CSAD: variants seen among roughly 807,000 people sequenced by gnomAD.
CSAD encodes the protein P-selectin cytoplasmic tail-associated protein.
CSAD carries 47 observed loss-of-function variants against 61.5 expected under a neutral mutation model. The ratio of observed to expected loss-of-function variants is 0.76; its 90% CI spans 0.60 to 0.97. CSAD has a LOEUF of 0.97. Ranked by LOEUF, CSAD falls within the 50% of genes least tolerant of loss-of-function variation. The pLI is 0.00. For missense variants in CSAD, 611 were observed against 643.6 expected (o/e 0.95, Z 0.55); for synonymous variants, 245 against 252.7 (o/e 0.97, Z 0.29).
chr12:53,176,766 T>C (rs144682234), intron 2 of CSAD, among the ~76,000 whole-genome samples: 6 of 152,266 alleles, frequency 3.9e-5, no homozygotes, highest in African/African-American at 7.2e-5. Flanking sequence ...TAAGTTTTGC[T>C]GTATCACCCA....
At chr12:53,174,857 G>A (rs1442459944) in intron 2 of CSAD, among the ~76,000 whole-genome samples, 1 of 152,066 alleles carries the variant, frequency 6.6e-6, no homozygotes, top group East Asian at 1.9e-4. Flanking sequence ...AAATCATCAG[G>A]CTCAAGGAAT....
At position 53,171,012 on chromosome 12, in the gene CSAD, T is replaced by C. The variant is rs186933167; in HGVS notation, c.567+314A>G. 333 of 514,966 alleles carry C rather than the reference T, an allele frequency of 6.5e-4. 2 individuals are homozygous for C. In the East Asian group the frequency reaches 9.3e-3, roughly 14 times the overall value. 31.9% of individuals were successfully genotyped at this position (514,966 alleles called of 1,614,324 possible). A position where few individuals can be genotyped will look rare whatever the true frequency, so the allele number is the denominator to read the frequency against. On this transcript the variant is annotated intron_variant, in intron 8 of 16. Coordinates refer to ENST00000444623, the MANE Select transcript of CSAD (RefSeq NM_001244705.2). Reference sequence around the variant, plus strand: ...CTGGGATTACAGGCGTGAGTCACCGTGCCCGGCCAGATTCTGCATTTCTAA... The same window carrying C: ...CTGGGATTACAGGCGTGAGTCACCGCGCCCGGCCAGATTCTGCATTTCTAA...
At chr12:53,178,666 C>T (rs1293785035) in intron 2 of CSAD, among the ~76,000 whole-genome samples, 2 of 151,804 alleles carry the variant, frequency 1.3e-5, no homozygotes, top group African/African-American at 2.4e-5. Flanking sequence ...TGGCAGCAGG[C>T]GCCAGCTACT....
At chr12:53,161,450 G>C (rs142640481) in intron 10 of CSAD, 61 bp from the exon 11 acceptor site, 62 of 1,384,390 alleles carry the variant, frequency 4.5e-5, no homozygotes, top group Non-Finnish European at 5.2e-5. Flanking sequence ...CTCAGAGCCT[G>C]ATGCTGGGCC....
intron 4 of CSAD, 128 bp downstream of exon 4, chr12:53,173,209 AAAGAAAGG>A (rs1565673029): frequency 3.5e-6 from 3 of 859,124 alleles, no homozygotes; most frequent in African/African-American, 3.5e-5. Flanking sequence ...CTCTGTCAAG[AAAGAAAGG>A]AAGAAAGGAA....
In CSAD at chr12:53,180,810, G is replaced by A. The variant is rs1941552317; in HGVS notation, c.-169C>T. 10 of 1,271,870 alleles carry A rather than the reference G, an allele frequency of 7.9e-6. No homozygotes were observed. Among genetic ancestry groups the A allele is most frequent in the South Asian group, 2.5e-5 (2 of 79,012 alleles). 78.8% of individuals were successfully genotyped at this position (1,271,870 alleles called of 1,614,324 possible). A position where few individuals can be genotyped will look rare whatever the true frequency, so the allele number is the denominator to read the frequency against. On this transcript the variant is annotated 5_prime_UTR_variant, in exon 1 of 17. Coordinates refer to ENST00000444623, the MANE Select transcript of CSAD (RefSeq NM_001244705.2). ...CCTGGAGGAGGCGCCGCGCGGCCAG[G>A]GAGCCAGCGGGAGGCCGCGCCTGGC...
rs1938854229 is a variant in CSAD at position 53,158,654 on chromosome 12, T to A, written c.1339A>T (p.Lys447Ter). 1 of 1,614,038 alleles carries A rather than the reference T, an allele frequency of 6.2e-7. No homozygotes were observed. Among genetic ancestry groups the A allele is most frequent in the Non-Finnish European group, 8.5e-7 (1 of 1,180,034 alleles). ...TAGCCAATCATCATGGAGCCCTCCT[T>A]CACCATGCGCTCCTTGAGCACGGGG... ...VAPVLKERMV[K>*]EGSMMIGYQP... The change falls in exon 17 of 17, where the codon AAG becomes TAG. Residue 447 changes from lysine (K) to a stop codon, truncating the protein, a stop_gained. Transcript: ENST00000444623. LOFTEE classifies it high-confidence loss of function.
chr12:53,180,679 G>A (rs1329271997), intron 1 of CSAD, 53 bp downstream of exon 1: 1 of 1,276,856 alleles, frequency 7.8e-7, no homozygotes. Context: ...GGACGAGGGG[G>A]AGGGGGAAGT....
At chr12:53,176,509 G>C (rs1463549535) in intron 2 of CSAD, among the ~76,000 whole-genome samples, 1 of 151,988 alleles carries the variant, frequency 6.6e-6, no homozygotes, top group African/African-American at 2.4e-5. Flanking sequence ...CACGAGGTCA[G>C]GAGATCGAGA....
In CSAD at chr12:53,180,823, G is replaced by A. The variant is rs187048132; in HGVS notation, c.-182C>T. ...CCGCGCGGCCAGGGAGCCAGCGGGA[G>A]GCCGCGCCTGGCAGGTAGGAGCAAG... On this transcript the variant is annotated 5_prime_UTR_variant, in exon 1 of 17. Transcript: ENST00000444623. 1 of 1,271,850 alleles carries A rather than the reference G, an allele frequency of 7.9e-7. No homozygotes were observed. The highest frequency in any genetic ancestry group is 1.0e-6 in the Non-Finnish European group (1 of 982,126). 78.8% of individuals were successfully genotyped at this position (1,271,850 alleles called of 1,614,324 possible).
At position 53,161,303 on chromosome 12, in the gene CSAD, G is replaced by A; in HGVS notation, c.789C>T (p.Cys263=). The change falls in exon 11 of 17, where the codon TGC becomes TGT. Residue 263 remains cysteine, a synonymous_variant. Transcript: ENST00000444623. The stretch of plus-strand genomic sequence containing the variant: ...CATGCAGCCATAGCCCATGACGCTG[G>A]CACACATCAGCAATTGCCTCCAGGG... The part of the protein sequence containing the change: ...FDPLEAIADV[C]QRHGLWLHVD... The A allele has an allele frequency of 6.2e-7, 1 of 1,614,090 alleles. No individual in the cohort carries two copies. Among genetic ancestry groups the A allele is most frequent in the South Asian group, 1.1e-5 (1 of 91,078 alleles).
rs964186460 is a variant in CSAD, at chr12:53,160,136, C to T, written c.1150G>A (p.Ala384Thr). ...CCCGCCTACCGGGCAAGGACAAAGG[C>T]CTGGTCGATGCGCCGCTCCAGCCCT... ...DQGLERRIDQ[A>T]FVLARYLVEE... The change falls in exon 14 of 17, where the codon GCC becomes ACC. Residue 384 changes from alanine (A) to threonine (T), a missense_variant. Transcript: ENST00000444623. 1 of 1,613,518 alleles carries T rather than the reference C, an allele frequency of 6.2e-7. No homozygotes were observed. Among genetic ancestry groups the T allele is most frequent in the Middle Eastern group, 1.7e-4 (1 of 6,020 alleles).
At position 53,180,796 on chromosome 12, in the gene CSAD, C is replaced by T; in HGVS notation, c.-155G>A. ...AGGGTGTGCTGGGGCCTGGAGGAGGCGCCGCGCGGCCAGGGAGCCAGCGGG... is the reference window on the plus strand; with the variant it reads ...AGGGTGTGCTGGGGCCTGGAGGAGGTGCCGCGCGGCCAGGGAGCCAGCGGG... On this transcript the variant is annotated 5_prime_UTR_variant, in exon 1 of 17. Transcript: ENST00000444623. 2.4e-6 allele frequency: 3 copies of T among 1,271,532 alleles called. No homozygotes were observed. Among genetic ancestry groups the T allele is most frequent in the Non-Finnish European group, 3.1e-6 (3 of 981,852 alleles). The allele number at this position is 1,271,532 out of a possible 1,614,324, so 78.8% of individuals were successfully genotyped here.
Position 53,171,001 on chromosome 12 carries a change from G to A in CSAD, c.567+325C>T, listed in dbSNP as rs534761772. ...CTCTCAAAGTGCTGGGATTACAGGC[G>A]TGAGTCACCGTGCCCGGCCAGATTC... On this transcript the variant is annotated intron_variant, in intron 8 of 16. Transcript: ENST00000444623. The A allele has an allele frequency of 8.8e-5, 43 of 486,804 alleles. No individual in the cohort carries two copies. The East Asian group carries it at 1.4e-3, about 16-fold the overall frequency. The allele number at this position is 486,804 out of a possible 1,614,324, so 30.2% of individuals were successfully genotyped here.
intron 8 of CSAD, chr12:53,170,719 TTTG>T (rs1940467488): frequency 1.4e-5 from 8 of 563,598 alleles, no homozygotes; most frequent in African/African-American, 7.8e-5. Context: ...TCTGCATTTG[TTTG>T]TTTTTTTTTT....
rs768298379 is a variant in CSAD, at chr12:53,158,562, A to G, written c.1431T>C (p.Ala477=). 3.1e-6 allele frequency: 5 copies of G among 1,613,396 alleles called. No individual in the cohort carries two copies. The highest frequency in any genetic ancestry group is 4.2e-6 in the Non-Finnish European group (5 of 1,180,006). The stretch of plus-strand genomic sequence containing the variant: ...GCTCGTTGAGGAGGAAGTCCATATC[A>G]GCACAGGTCAGTGCAGAGTTGGCCA... ...VVVANSALTC[A]DMDFLLNELE... The change falls in exon 17 of 17, where the codon GCT becomes GCC. Residue 477 remains alanine (A), a synonymous_variant. Transcript: ENST00000444623.
At chr12:53,167,145 C>A (rs1940032091) in intron 10 of CSAD, among the ~76,000 whole-genome samples, 1 of 152,172 alleles carries the variant, frequency 6.6e-6, no homozygotes, top group South Asian at 2.1e-4. Flanking sequence ...CAAATGCCCA[C>A]TTGATGACTA....
At chr12:53,172,158 G>T (rs145755073) in intron 6 of CSAD, among the ~76,000 whole-genome samples, 170 bp from the exon 7 acceptor site, 3 of 152,310 alleles carry the variant, frequency 2.0e-5, no homozygotes, top group Admixed American at 1.3e-4. Context: ...AGAGAAAACA[G>T]GGGTCAGGAG....
At chr12:53,173,843 T>G in intron 2 of CSAD, 73 bp from the exon 3 acceptor site, 16 of 1,483,642 alleles carry the variant, frequency 1.1e-5, no homozygotes, top group Non-Finnish European at 1.5e-5. Flanking sequence ...TTTTCATAAA[T>G]TCACAAAGTT....
Sources: allele counts gnomAD v4.1 joint callset (sites outside exome capture counted in the v4.1 genomes callset), GRCh38; gene constraint gnomAD v4.1.1; transcripts MANE v1.5; gene names NCBI Gene and HGNC (gene_info 2026-07-23, HGNC 2026-07-21).